Variants in TAF13 observed in about 807,000 individuals in gnomAD.
TAF13 encodes TATA-box binding protein associated factor 13, also known as transcription initiation factor TFIID subunit 13.
TAF13 carries 9 observed loss-of-function variants against 18.7 expected under a neutral mutation model. The ratio of observed to expected loss-of-function variants is 0.48; its 90% CI spans 0.29 to 0.84. The LOEUF is 0.84. Ranked by LOEUF, TAF13 falls within the 40% of genes least tolerant of loss-of-function variation. The pLI, the probability that TAF13 is intolerant of heterozygous loss-of-function variation, is 0.08. For missense variants in TAF13, 105 were observed against 146.5 expected, an observed-to-expected ratio of 0.72 and a Z score of 1.46; for synonymous variants, 49 against 44.1, an observed-to-expected ratio of 1.11 and a Z score of -0.44.
chr1:109,065,921 C>CAA (rs35972596), intron 3 of TAF13, among the ~76,000 whole-genome samples: 33 of 86,502 alleles, frequency 3.8e-4, no homozygotes, highest in African/African-American at 7.2e-4. Context: ...AACTCCATCT[C>CAA]AAAAAAAAAA....
At position 109,064,626 on chromosome 1, in the gene TAF13, C is replaced by A; in HGVS notation, c.272G>T (p.Arg91Leu). ...VQVEDIVFLIRKDPRKFARVK... is the reference protein window; with the variant it reads ...VQVEDIVFLILKDPRKFARVK... ...CCTGGCAAACTTCCTTGGGTCCTTT[C>A]GAATCAAGAAGACGATATCTTCAAC... is the stretch of plus-strand genomic sequence containing the variant. The change falls in exon 4 of 4, where the codon CGA (arginine) becomes CTA (leucine). Residue 91 changes from arginine (R) to leucine (L), a missense_variant. Transcript: ENST00000338366. 6.3e-7 allele frequency: 1 copy of A among 1,578,934 alleles called. No individual in the cohort carries two copies.
chr1:109,064,759 T>A, intron 3 of TAF13, 66 bp from the exon 4 acceptor site: 2 of 1,273,444 alleles, frequency 1.6e-6, no homozygotes, highest in Non-Finnish European at 2.0e-6. Flanking sequence ...TTAATTTGCA[T>A]TTATTAATTG....
intron 3 of TAF13, among the ~76,000 whole-genome samples, chr1:109,065,260 G>A (rs1454895772): frequency 1.3e-5 from 2 of 151,732 alleles, no homozygotes. Flanking sequence ...GAGGCTGAGG[G>A]GGTAGATTGC....
chr1:109,074,383 T>G (rs1367740367), intron 2 of TAF13, among the ~76,000 whole-genome samples: 1 of 152,022 alleles, frequency 6.6e-6, no homozygotes, highest in Non-Finnish European at 1.5e-5. Flanking sequence ...GGCAGCATGC[T>G]CGTTAAGAGT....
intron 2 of TAF13, among the ~76,000 whole-genome samples, chr1:109,068,167 A>C (rs1417783160): frequency 6.6e-6 from 1 of 152,106 alleles, no homozygotes; most frequent in African/African-American, 2.4e-5. Context: ...CAGAAGTGTC[A>C]CTGTGTCACC....
chr1:109,074,734 T>A (rs1261425473), intron 2 of TAF13, among the ~76,000 whole-genome samples: 3 of 150,538 alleles, frequency 2.0e-5, no homozygotes, highest in Non-Finnish European at 4.4e-5. Context: ...GAGCAGAGAT[T>A]GCGCCACTGC....
chr1:109,066,299 AT>A (rs1189350813), intron 2 of TAF13, 67 bp from the exon 3 acceptor site: 1 of 1,304,448 alleles, frequency 7.7e-7, no homozygotes, highest in Non-Finnish European at 1.1e-6. Flanking sequence ...CTTTAAAAAA[AT>A]AAAGTAGAAA....
intron 2 of TAF13, among the ~76,000 whole-genome samples, chr1:109,070,691 G>C (rs1664033361): frequency 6.6e-6 from 1 of 151,230 alleles, no homozygotes. Context: ...ACCGTACCCA[G>C]TCCCCCCCAA....
rs1389120036 is a variant in TAF13 at position 109,071,975 on chromosome 1, T to A, written c.106+3012A>T. 3.0e-3 allele frequency among the ~76,000 whole-genome samples: 74 copies of A among 24,538 alleles called. 4 individuals carry two copies. The highest frequency in any genetic ancestry group is 0.05 in the Middle Eastern group (1 of 20). 16.1% of individuals were successfully genotyped at this position (24,538 alleles called of 152,430 possible). ...AAAAGAAAATATATATATATATATA[T>A]ACACACATATATATATATATATATA... On this transcript the variant is annotated intron_variant, in intron 2 of 3. Transcript: ENST00000338366.
rs1283825761 is a variant in TAF13, at chr1:109,066,117, G to C, written c.204+18C>G. ...TCTATTCTTCAATTAACTAAGACCAGTTAGGAAAGAATCTTACCATTTCAG... is the reference window on the plus strand; with the variant it reads ...TCTATTCTTCAATTAACTAAGACCACTTAGGAAAGAATCTTACCATTTCAG... On this transcript the variant is annotated intron_variant, in intron 3 of 3. Transcript: ENST00000338366. 6.3e-7 allele frequency: 1 copy of C among 1,588,114 alleles called. No individual in the cohort carries two copies. Among genetic ancestry groups the C allele is most frequent in the Non-Finnish European group, 8.6e-7 (1 of 1,163,726 alleles).
chr1:109,066,450 C>T (rs532403306), intron 2 of TAF13, among the ~76,000 whole-genome samples: 1 of 146,752 alleles, frequency 6.8e-6, no homozygotes, highest in Admixed American at 6.6e-5. Context: ...AAAACTCTTC[C>T]TTCCTCCCAC....
intron 2 of TAF13, among the ~76,000 whole-genome samples, 196 bp from the exon 3 acceptor site, chr1:109,066,428 G>A (rs956849413): frequency 5.9e-5 from 9 of 152,104 alleles, no homozygotes; most frequent in Non-Finnish European, 5.9e-5. Context: ...CTGTTCCCAC[G>A]TAGCCTCCAG....
At chr1:109,069,559 A>C (rs962166434) in intron 2 of TAF13, among the ~76,000 whole-genome samples, 3 of 152,142 alleles carry the variant, frequency 2.0e-5, no homozygotes, top group African/African-American at 7.2e-5. Flanking sequence ...CATGACATAG[A>C]GAGCCGACTG....
chr1:109,066,278 A>G, intron 2 of TAF13, 46 bp from the exon 3 acceptor site: 3 of 1,440,358 alleles, frequency 2.1e-6, no homozygotes, highest in Non-Finnish European at 2.9e-6. Flanking sequence ...TACAGATTTA[A>G]CAATTTGATA....
intron 2 of TAF13, among the ~76,000 whole-genome samples, chr1:109,073,005 T>A (rs1402021942): frequency 6.6e-6 from 1 of 150,680 alleles, no homozygotes; most frequent in African/African-American, 2.4e-5. Flanking sequence ...AGTGCTGGGA[T>A]TACAGACGTG....
At chr1:109,072,153 C>A (rs1335053201) in intron 2 of TAF13, among the ~76,000 whole-genome samples, 1 of 140,216 alleles carries the variant, frequency 7.1e-6, no homozygotes, top group Non-Finnish European at 1.5e-5. Flanking sequence ...TATACTGACC[C>A]TGTAGTTTCA....
chr1:109,075,911 G>C lies in TAF13; in HGVS notation c.27+10C>G, dbSNP rs376596816. The C allele has an allele frequency of 4.9e-5, 79 of 1,614,072 alleles. 2 individuals carry two copies. The South Asian group carries it at 7.9e-4, about 16-fold the overall frequency. ...GAAAAGACAGGTTTTGGACAGAGAC[G>C]GTCACTCACCGTGGGGTCTTCTTCC... On this transcript the variant is annotated intron_variant, in intron 1 of 3. Transcript: ENST00000338366.
chr1:109,074,067 C>A (rs975955800), intron 2 of TAF13, among the ~76,000 whole-genome samples: 18 of 152,238 alleles, frequency 1.2e-4, no homozygotes, highest in African/African-American at 4.3e-4. Flanking sequence ...GCCACCCTGT[C>A]TGGGAGGTGT....
chr1:109,065,574 G>C (rs2102105065), intron 3 of TAF13, among the ~76,000 whole-genome samples: 1 of 151,940 alleles, frequency 6.6e-6, no homozygotes, highest in Non-Finnish European at 1.5e-5. Flanking sequence ...TTGGATAATG[G>C]TATTATGGAT....
Sources: gnomAD v4.1 joint callset for allele counts (sites outside exome capture counted in the v4.1 genomes callset) on GRCh38, gnomAD v4.1.1 for gene constraint, MANE v1.5 for transcripts, NCBI Gene and HGNC (gene_info 2026-07-23, HGNC 2026-07-21) for gene names.